The following F13A1 variants were observed in gnomAD, a reference collection of about 807,000 sequenced individuals.
F13A1 encodes the protein coagulation factor XIII A chain.
In F13A1, 47 loss-of-function variants were observed where a neutral mutation model predicts 80.1. That is an observed-to-expected ratio of 0.59 (90% CI 0.46 to 0.75). The LOEUF (loss-of-function observed/expected upper bound fraction) is 0.75, where lower values mean the gene tolerates loss of function less well. Ranked by LOEUF, F13A1 falls within the 30% of genes least tolerant of loss-of-function variation. F13A1 has a pLI of 0.00. For synonymous variants in F13A1, 349 were observed against 344.9 expected (o/e 1.01, Z -0.13); for missense variants, 817 against 930.4 (o/e 0.88, Z 1.59).
At chr6:6,312,100 T>C (rs987679216) in intron 2 of F13A1, among the ~76,000 whole-genome samples, 1 of 150,998 alleles carries the variant, frequency 6.6e-6, no homozygotes. Flanking sequence ...TGCCCATGAG[T>C]CAGCCACCCA....
intron 10 of F13A1, among the ~76,000 whole-genome samples, chr6:6,190,349 G>A (rs1361187330): frequency 6.6e-6 from 1 of 152,142 alleles, no homozygotes; most frequent in South Asian, 2.1e-4. Context: ...CCCCATCCTT[G>A]TGGTTTTATC....
At chr6:6,300,558 C>A (rs1039289143) in intron 3 of F13A1, among the ~76,000 whole-genome samples, 4 of 152,170 alleles carry the variant, frequency 2.6e-5, no homozygotes, top group African/African-American at 9.7e-5. Flanking sequence ...CTCCCTGACC[C>A]CTTGCACTTC....
chr6:6,261,032 G>A (rs542720840), intron 4 of F13A1, among the ~76,000 whole-genome samples: 4 of 152,148 alleles, frequency 2.6e-5, no homozygotes, highest in Admixed American at 1.3e-4. Context: ...GCAGTGGTAC[G>A]ATCTCGGCTC....
chr6:6,300,743 T>A (rs545795404), intron 3 of F13A1, among the ~76,000 whole-genome samples: 2 of 152,154 alleles, frequency 1.3e-5, no homozygotes, highest in African/African-American at 4.8e-5. Flanking sequence ...GAGCTGTTCC[T>A]ATTCGGCCAT....
chr6:6,210,549 T>C (rs1165844997), intron 8 of F13A1, among the ~76,000 whole-genome samples: 1 of 123,556 alleles, frequency 8.1e-6, no homozygotes, highest in Non-Finnish European at 1.7e-5. Context: ...TAGCCTGCAA[T>C]GCCTGGCTAA....
Position 6,313,632 on chromosome 6 carries a change from ATTG to A in F13A1, c.130+4900_130+4902del, listed in dbSNP as rs547752787. On this transcript the variant is annotated intron_variant, in intron 2 of 14. Coordinates refer to ENST00000264870, the MANE Select transcript of F13A1 (RefSeq NM_000129.4). ...AATTCTCCATGCAATTTTTGGTAATATTGTTATTGAACTATAAGCATAAATGCT... is the reference window on the plus strand; with the variant it reads ...AATTCTCCATGCAATTTTTGGTAATATTATTGAACTATAAGCATAAATGCT... Among the ~76,000 whole-genome samples, 309 of 152,170 alleles carry A rather than the reference ATTG, an allele frequency of 2.0e-3. 2 individuals are homozygous for A. Among genetic ancestry groups the A allele is most frequent in the African/African-American group, 7.0e-3 (291 of 41,510 alleles).
intron 5 of F13A1, among the ~76,000 whole-genome samples, chr6:6,249,842 T>C (rs1255143592): frequency 6.6e-6 from 1 of 152,124 alleles, no homozygotes; most frequent in African/African-American, 2.4e-5. Flanking sequence ...GCCAACTAGC[T>C]TGTAGCTTGG....
intron 3 of F13A1, among the ~76,000 whole-genome samples, chr6:6,275,246 C>T (rs1757971906): frequency 6.6e-6 from 1 of 151,944 alleles, no homozygotes; most frequent in South Asian, 2.1e-4. Flanking sequence ...GTAGACGCAA[C>T]AGGTATTTGA....
intron 3 of F13A1, among the ~76,000 whole-genome samples, chr6:6,298,779 G>A (rs1347779789): frequency 1.3e-5 from 2 of 149,602 alleles, no homozygotes; most frequent in Admixed American, 6.6e-5. Flanking sequence ...GTGTGAATTT[G>A]ATCCTGTCAT....
At chr6:6,206,663 CCTT>C (rs202166823) in intron 8 of F13A1, 4,537 of 420,766 alleles carry the variant, frequency 0.011, 70 homozygotes, top group Middle Eastern at 0.056. Flanking sequence ...AGCAATGCCC[CCTT>C]CTTGTTTTTA....
chr6:6,312,699 T>C (rs1758622708), intron 2 of F13A1, among the ~76,000 whole-genome samples: 1 of 148,338 alleles, frequency 6.7e-6, no homozygotes, highest in Admixed American at 6.8e-5. Context: ...AAAAAAAGTC[T>C]GTCTTAAAAT....
rs147152391 is a variant in F13A1 at position 6,320,333 on chromosome 6, C to A, written c.-19+254G>T. On this transcript the variant is annotated intron_variant, in intron 1 of 14. Transcript: ENST00000264870. ...GGGAAGCACCTCCAACTCCCCCATC[C>A]CCATTTGGTGGCATTCTAAGCAAGC... 7.8e-4 allele frequency among the ~76,000 whole-genome samples: 119 copies of A among 152,322 alleles called. No homozygotes were observed. In the East Asian group the frequency reaches 0.019, roughly 24 times the overall value.
At chr6:6,298,121 T>C (rs1295616445) in intron 3 of F13A1, among the ~76,000 whole-genome samples, 2 of 148,852 alleles carry the variant, frequency 1.3e-5, no homozygotes, top group Non-Finnish European at 3.0e-5. Flanking sequence ...GATAGTTTGT[T>C]ATAATTTCTG....
intron 3 of F13A1, among the ~76,000 whole-genome samples, chr6:6,286,676 A>C (rs1758144580): frequency 6.6e-6 from 1 of 152,220 alleles, no homozygotes; most frequent in South Asian, 2.1e-4. Flanking sequence ...TCCACAGGAC[A>C]GTGTGTATGT....
intron 5 of F13A1, among the ~76,000 whole-genome samples, chr6:6,249,666 G>A (rs1207719271): frequency 6.6e-6 from 1 of 152,142 alleles, no homozygotes; most frequent in East Asian, 1.9e-4. Flanking sequence ...GCTATCTATA[G>A]ATTGTCATAT....
chr6:6,246,013 C>T (rs751325791), intron 6 of F13A1, among the ~76,000 whole-genome samples: 9 of 152,268 alleles, frequency 5.9e-5, no homozygotes, highest in Non-Finnish European at 1.3e-4. Context: ...TGAGAAAACA[C>T]ACACAGCTCT....
At chr6:6,233,873 A>G (rs1022231973) in intron 6 of F13A1, among the ~76,000 whole-genome samples, 5 of 152,168 alleles carry the variant, frequency 3.3e-5, no homozygotes, top group South Asian at 2.1e-4. Context: ...ATAGATTCAG[A>G]AAAAGCATTC....
intron 7 of F13A1, among the ~76,000 whole-genome samples, chr6:6,224,060 C>T (rs150628875): frequency 5.7e-4 from 87 of 152,250 alleles, no homozygotes; most frequent in African/African-American, 2.0e-3. Flanking sequence ...TAATTCTGTT[C>T]TCATATGCTT....
At position 6,182,121 on chromosome 6, in the gene F13A1, G is replaced by T. The variant is rs121913066; in HGVS notation, c.1326C>A (p.Tyr442Ter). Residue 442 changes from tyrosine (Y) to a stop codon, truncating the protein, a stop_gained, in exon 11 of 15, where the codon TAC becomes TAA. Transcript: ENST00000264870. LOFTEE classifies it high-confidence loss of function. ...GAGTGCCATCTTTCTTAGCTGTAAT[G>T]TAAATGAGGTCGCTGTTGACCTGGA... ...VFAEVNSDLI[Y>*]ITAKKDGTHV... 5 of 1,614,160 alleles carry T rather than the reference G, an allele frequency of 3.1e-6. No individual in the cohort carries two copies. The highest frequency in any genetic ancestry group is 4.2e-6 in the Non-Finnish European group (5 of 1,180,016).
Sources: allele counts gnomAD v4.1 joint callset (sites outside exome capture counted in the v4.1 genomes callset), GRCh38; gene constraint gnomAD v4.1.1; transcripts MANE v1.5; gene names NCBI Gene and HGNC (gene_info 2026-07-23, HGNC 2026-07-21).